The following CYP19A1 variants were observed in gnomAD, a reference collection of about 807,000 sequenced individuals.
CYP19A1 encodes the protein aromatase.
Under a neutral mutation model 44.4 loss-of-function variants are expected in CYP19A1, and 32 were observed. The observed-to-expected ratio is 0.72, with a 90% CI of 0.54 to 0.97. The LOEUF (loss-of-function observed/expected upper bound fraction) is 0.97. CYP19A1 is among the 50% of genes least tolerant of loss of function. The pLI is 0.00. For synonymous variants in CYP19A1, 212 were observed against 215.6 expected (o/e 0.98, Z 0.14); for missense variants, 598 against 637.8 (o/e 0.94, Z 0.67).
intron 2 of CYP19A1, among the ~76,000 whole-genome samples, chr15:51,238,867 C>T (rs1452062943): frequency 6.6e-6 from 1 of 152,130 alleles, no homozygotes; most frequent in Admixed American, 6.5e-5. Flanking sequence ...ATAGATACTA[C>T]TGGTATAGAC....
At chr15:51,281,102 G>A (rs572822708) in intron 1 of CYP19A1, among the ~76,000 whole-genome samples, 9 of 152,252 alleles carry the variant, frequency 5.9e-5, no homozygotes, top group African/African-American at 2.2e-4. Flanking sequence ...TGCTAACTCC[G>A]CCAGGACTTG....
Position 51,327,977 on chromosome 15 carries a change from T to C in CYP19A1, c.-39+10518A>G, listed in dbSNP as rs547705907. On this transcript the variant is annotated intron_variant, in intron 1 of 9. Transcript: ENST00000396402. Reference sequence around the variant, plus strand: ...AAGTATTTCAGTATCTAAAAAATCTTGTACATGACTACACTGGAAATCCTA... The same window carrying C: ...AAGTATTTCAGTATCTAAAAAATCTCGTACATGACTACACTGGAAATCCTA... Among the ~76,000 whole-genome samples, 49 of 152,336 alleles carry C rather than the reference T, an allele frequency of 3.2e-4. 1 individual carries two copies. Among genetic ancestry groups the C allele is most frequent in the Middle Eastern group, 6.8e-3 (2 of 294 alleles).
chr15:51,217,184 T>C (rs2031656275), intron 6 of CYP19A1, among the ~76,000 whole-genome samples: 1 of 152,236 alleles, frequency 6.6e-6, no homozygotes, highest in African/African-American at 2.4e-5. Context: ...ATCTGGGCAC[T>C]AGCCCCAAAT....
At chr15:51,313,368 C>T (rs2036353693) in intron 1 of CYP19A1, among the ~76,000 whole-genome samples, 1 of 152,122 alleles carries the variant, frequency 6.6e-6, no homozygotes, top group Non-Finnish European at 1.5e-5. Flanking sequence ...GCAGAGGCAC[C>T]ACCTAAACTG....
At chr15:51,212,180 C>A in intron 9 of CYP19A1, 140 bp downstream of exon 9, 1 of 756,338 alleles carries the variant, frequency 1.3e-6, no homozygotes, top group Admixed American at 1.8e-5. Flanking sequence ...AGCTAGGGGA[C>A]GTGTGTGCTC....
intron 1 of CYP19A1, among the ~76,000 whole-genome samples, chr15:51,259,123 A>C (rs1018733028): frequency 2.0e-5 from 3 of 152,206 alleles, no homozygotes; most frequent in Non-Finnish European, 2.9e-5. Context: ...ATGATACGTC[A>C]TTACAGGAGA....
intron 1 of CYP19A1, among the ~76,000 whole-genome samples, chr15:51,267,025 T>A (rs2140945285): frequency 6.6e-6 from 1 of 152,312 alleles, no homozygotes; most frequent in Non-Finnish European, 1.5e-5. Context: ...GAAGAAAATC[T>A]GAGGTGGGCA....
At chr15:51,235,115 C>T (rs1322112682) in intron 3 of CYP19A1, among the ~76,000 whole-genome samples, 1 of 152,112 alleles carries the variant, frequency 6.6e-6, no homozygotes. Context: ...GAGACCATAG[C>T]CAGTTGTAAA....
At chr15:51,218,023 C>T (rs955870218) in intron 6 of CYP19A1, among the ~76,000 whole-genome samples, 2 of 152,070 alleles carry the variant, frequency 1.3e-5, no homozygotes, top group Non-Finnish European at 2.9e-5. Flanking sequence ...TTTCAGGACC[C>T]CCAAAACACA....
intron 1 of CYP19A1, among the ~76,000 whole-genome samples, chr15:51,292,287 G>A (rs1243468370): frequency 1.3e-5 from 2 of 152,148 alleles, no homozygotes; most frequent in African/African-American, 2.4e-5. Context: ...AGTGGCAACC[G>A]TTTTATAATG....
chr15:51,223,055 T>C (rs1200193752), intron 4 of CYP19A1, among the ~76,000 whole-genome samples: 1 of 152,188 alleles, frequency 6.6e-6, no homozygotes, highest in East Asian at 1.9e-4. Flanking sequence ...CAAAGTGCCC[T>C]TCTCTTAATT....
intron 1 of CYP19A1, among the ~76,000 whole-genome samples, chr15:51,251,608 A>G (rs2034313291): frequency 6.6e-6 from 1 of 152,182 alleles, no homozygotes; most frequent in Admixed American, 6.5e-5. Flanking sequence ...TTAGCCTCTT[A>G]AGCCTTTTAG....
intron 2 of CYP19A1, among the ~76,000 whole-genome samples, chr15:51,238,369 A>T (rs758428212): frequency 1.3e-5 from 2 of 152,262 alleles, no homozygotes; most frequent in Non-Finnish European, 2.9e-5. Context: ...ATATATGCAT[A>T]ATATAATATC....
chr15:51,301,195 A>G (rs1162845359), intron 1 of CYP19A1, among the ~76,000 whole-genome samples: 3 of 152,254 alleles, frequency 2.0e-5, no homozygotes, highest in Non-Finnish European at 2.9e-5. Context: ...AAGAACAGCT[A>G]TATGAAGAAA....
rs144659251 is a variant in CYP19A1, at chr15:51,335,319, C to T, written c.-39+3176G>A. On this transcript the variant is annotated intron_variant, in intron 1 of 9. Transcript: ENST00000396402. ...TCTAAGACACTGCTACTACGATAGG[C>T]GGAAATCTGTTGTTACCAGCCCGAC... Among the ~76,000 whole-genome samples the T allele has an allele frequency of 3.8e-3, 581 of 152,228 alleles. 4 individuals are homozygous for T. The highest frequency in any genetic ancestry group is 0.014 in the African/African-American group (564 of 41,514).
chr15:51,309,802 G>A (rs1212331018), intron 1 of CYP19A1, among the ~76,000 whole-genome samples: 2 of 152,140 alleles, frequency 1.3e-5, no homozygotes, highest in Non-Finnish European at 2.9e-5. Flanking sequence ...AGATGTCTTG[G>A]GAAAGAAGCT....
chr15:51,266,550 T>G (rs2034926250), intron 1 of CYP19A1, among the ~76,000 whole-genome samples: 1 of 152,244 alleles, frequency 6.6e-6, no homozygotes, highest in Admixed American at 6.5e-5. Flanking sequence ...TCCTGCACAA[T>G]TTCTATCAGG....
intron 1 of CYP19A1, chr15:51,313,901 A>C (rs917233427): frequency 6.6e-6 from 1 of 152,072 alleles, no homozygotes; most frequent in Non-Finnish European, 1.5e-5. Context: ...GTGCTTTCCT[A>C]CCTTGGAATT....
chr15:51,320,303 C>G (rs1333130461), intron 1 of CYP19A1: 1 of 152,494 alleles, frequency 6.6e-6, no homozygotes, highest in Non-Finnish European at 1.5e-5. Context: ...CAGCCAAGCT[C>G]CTCCCAATAT....
Sources: gnomAD v4.1 joint callset for allele counts (sites outside exome capture counted in the v4.1 genomes callset) on GRCh38, gnomAD v4.1.1 for gene constraint, MANE v1.5 for transcripts, NCBI Gene and HGNC (gene_info 2026-07-23, HGNC 2026-07-21) for gene names.